The following CDK12 variants were observed in gnomAD, a reference collection of about 807,000 sequenced individuals.
The protein encoded by CDK12 is cyclin-dependent kinase 12.
Under a neutral mutation model 133.8 loss-of-function variants are expected in CDK12, and 17 were observed. The ratio of observed to expected loss-of-function variants is 0.13; its 90% CI spans 0.09 to 0.19. The LOEUF (loss-of-function observed/expected upper bound fraction) is 0.19, where lower values mean the gene tolerates loss of function less well. Among genes scored for constraint, CDK12 ranks in the 10% least tolerant of loss-of-function variants. CDK12 has a pLI of 1.00. For synonymous variants in CDK12, 694 were observed against 683.6 expected (o/e 1.02, Z -0.24); for missense variants, 1,508 against 1,818.7 (o/e 0.83, Z 3.11).
downstream of CDK12, among the ~76,000 whole-genome samples, chr17:39,535,719 G>T (rs2055105076): frequency 6.6e-6 from 1 of 152,130 alleles, no homozygotes; most frequent in South Asian, 2.1e-4. Context: ...TCCTAGATAG[G>T]CATCCTTAAC....
At chr17:39,492,689 A>G (rs1429469465) in intron 3 of CDK12, 62 bp from the exon 4 acceptor site, 11 of 1,376,130 alleles carry the variant, frequency 8.0e-6, no homozygotes, top group South Asian at 2.6e-5. Context: ...GATTACAGGC[A>G]TGAGCCACCG....
intron 3 of CDK12, among the ~76,000 whole-genome samples, chr17:39,491,546 A>C (rs2051603754): frequency 6.6e-6 from 1 of 151,960 alleles, no homozygotes; most frequent in African/African-American, 2.4e-5. Flanking sequence ...TTATATTTTC[A>C]TAGCAGCCTT....
downstream of CDK12, chr17:39,535,140 C>T (rs570803156): frequency 6.6e-6 from 1 of 152,156 alleles, no homozygotes; most frequent in Non-Finnish European, 1.5e-5. Context: ...AATTGCTTCC[C>T]CTTCTCTTTC....
intron 2 of CDK12, among the ~76,000 whole-genome samples, chr17:39,476,711 C>CATTTTTTTTTTTTTT (rs1555553398): frequency 0.016 from 1,317 of 84,520 alleles, 509 homozygotes; most frequent in Non-Finnish European, 0.02. Context: ...CCATGCCTGC[C>CATTTTTTTTTTTTTT]TTTTTTTTTT....
upstream of CDK12, among the ~76,000 whole-genome samples, chr17:39,548,394 T>C (rs1244146579): frequency 6.6e-6 from 1 of 152,218 alleles, no homozygotes; most frequent in Non-Finnish European, 1.5e-5. Context: ...CCTTAAGGTG[T>C]AGCAGGTTCC....
chr17:39,544,950 T>C (rs2055614295), upstream of CDK12, among the ~76,000 whole-genome samples: 1 of 152,038 alleles, frequency 6.6e-6, no homozygotes, highest in South Asian at 2.1e-4. Context: ...CTCAGGGAAG[T>C]TTCTTATTCC....
Position 39,494,404 on chromosome 17 carries a change from C to G in CDK12, c.2249-120C>G, listed in dbSNP as rs941342399. 3.9e-6 allele frequency: 3 copies of G among 768,876 alleles called. No individual in the cohort carries two copies. In the Admixed American group the frequency reaches 7.6e-5, roughly 19 times the overall value. 47.6% of individuals were successfully genotyped at this position (768,876 alleles called of 1,614,324 possible). A position where few individuals can be genotyped will look rare whatever the true frequency, so the allele number is the denominator to read the frequency against. ...TTACTTTTTAAAGGTGTATAAGTAT[C>G]TCGTGTAAGCATTAAAGTAAGCACT... is the stretch of plus-strand genomic sequence containing the variant. On this transcript the variant is annotated intron_variant, in intron 4 of 13. Transcript: ENST00000447079.
At chr17:39,508,713 G>C (rs2053289131) in intron 6 of CDK12, among the ~76,000 whole-genome samples, 1 of 152,048 alleles carries the variant, frequency 6.6e-6, no homozygotes, top group Admixed American at 6.6e-5. Flanking sequence ...ACTGAGCAGA[G>C]GCCAGTCATG....
chr17:39,524,969 T>C (rs1268105262), intron 12 of CDK12, 84 bp downstream of exon 12: 25 of 1,207,884 alleles, frequency 2.1e-5, no homozygotes, highest in Non-Finnish European at 2.9e-5. Context: ...TTTGTGTGTG[T>C]GTCTGTTTTT....
chr17:39,468,845 G>A (rs1388870560), intron 1 of CDK12, among the ~76,000 whole-genome samples: 1 of 147,774 alleles, frequency 6.8e-6, no homozygotes, highest in Non-Finnish European at 1.5e-5. Context: ...ACAGATTTTC[G>A]CTCTGTCGCC....
Position 39,466,878 on chromosome 17 carries a change from G to T in CDK12, c.1046+3761G>T, listed in dbSNP as rs116364591. Among the ~76,000 whole-genome samples the T allele has an allele frequency of 4.0e-3, 605 of 151,940 alleles. 6 individuals are homozygous for T. The highest frequency in any genetic ancestry group is 0.014 in the African/African-American group (578 of 41,516). On this transcript the variant is annotated intron_variant, in intron 1 of 13. Transcript: ENST00000447079. ...AAATTCTAAACAGTACAAAAATTTTGTAGAGTCAGAGGAACATATAGATCC... is the reference window on the plus strand; with the variant it reads ...AAATTCTAAACAGTACAAAAATTTTTTAGAGTCAGAGGAACATATAGATCC...
chr17:39,547,831 G>A (rs1296662109), upstream of CDK12: 3 of 152,356 alleles, frequency 2.0e-5, no homozygotes, highest in African/African-American at 7.2e-5. Flanking sequence ...AGCAGCTCAA[G>A]TAAGTGCCAC....
chr17:39,553,645 G>T (rs933145500), intron 2 of CDK12, among the ~76,000 whole-genome samples: 12 of 152,312 alleles, frequency 7.9e-5, no homozygotes, highest in African/African-American at 2.9e-4. Flanking sequence ...TCTATGTTGT[G>T]GATTCCTAGA....
intron 1 of CDK12, among the ~76,000 whole-genome samples, chr17:39,465,734 G>C (rs573117173): frequency 6.6e-6 from 1 of 151,970 alleles, no homozygotes. Flanking sequence ...CAGGTGATCC[G>C]CCAGCCTCGG....
At chr17:39,509,289 T>C (rs2053332954) in intron 6 of CDK12, among the ~76,000 whole-genome samples, 2 of 152,182 alleles carry the variant, frequency 1.3e-5, no homozygotes, top group African/African-American at 2.4e-5. Context: ...CCCAGACTGT[T>C]GGCCCTCTTA....
chr17:39,499,575 T>A (rs937813449), intron 5 of CDK12, among the ~76,000 whole-genome samples: 2 of 150,438 alleles, frequency 1.3e-5, no homozygotes, highest in Admixed American at 6.7e-5. Context: ...GATGGTGCAG[T>A]CTCAGCTCAC....
At chr17:39,509,640 C>A in intron 6 of CDK12, 65 bp from the exon 7 acceptor site, 1 of 1,085,376 alleles carries the variant, frequency 9.2e-7, no homozygotes, top group African/African-American at 1.6e-5. Flanking sequence ...TGGCGCATGA[C>A]TTTTCAGGTG....
At position 39,533,927 on chromosome 17, in the gene CDK12, A is replaced by G. The variant is rs2055010277; in HGVS notation, c.*2611A>G. 4.3e-6 allele frequency: 1 copy of G among 232,216 alleles called. No individual in the cohort carries two copies. The highest frequency in any genetic ancestry group is 5.6e-5 in the Admixed American group (1 of 17,778). The allele number at this position is 232,216 out of a possible 1,614,324, so 14.4% of individuals were successfully genotyped here. A position where few individuals can be genotyped will look rare whatever the true frequency, so the allele number is the denominator to read the frequency against. On this transcript the variant is annotated 3_prime_UTR_variant, in exon 14 of 14. Coordinates refer to ENST00000447079, the MANE Select transcript of CDK12 (RefSeq NM_016507.4). ...GGCAGAATTTCACCTTGACTATTTG[A>G]AAATTACAGACCCAATTAATTCCAT...
At chr17:39,563,463 G>C (rs190492183) in intron 3 of CDK12, among the ~76,000 whole-genome samples, 501 of 31,698 alleles carry the variant, frequency 0.016, 1 homozygote, top group African/African-American at 0.023. Flanking sequence ...CTTGCTTCCC[G>C]CCCCCCCCCC....
Sources: allele counts gnomAD v4.1 joint callset (sites outside exome capture counted in the v4.1 genomes callset), GRCh38; gene constraint gnomAD v4.1.1; transcripts MANE v1.5; gene names NCBI Gene and HGNC (gene_info 2026-07-23, HGNC 2026-07-21).